Variants in TLL1 observed in about 807,000 individuals in gnomAD.
TLL1 encodes tolloid-like protein 1.
Under a neutral mutation model 128.2 loss-of-function variants are expected in TLL1, and 49 were observed. That is an observed-to-expected ratio of 0.38 (90% CI 0.30 to 0.48). The LOEUF (loss-of-function observed/expected upper bound fraction) is 0.48, where lower values mean the gene tolerates loss of function less well. TLL1 is among the 20% of genes least tolerant of loss of function. The probability of loss-of-function intolerance (pLI) is 0.96; values close to 1 mark genes in which losing one functional copy is unlikely to be tolerated. For synonymous variants in TLL1, 454 were observed against 418.8 expected (o/e 1.08, Z -1.03); for missense variants, 1,123 against 1,242.0 (o/e 0.90, Z 1.44).
chr4:166,098,137 C>T (rs971023437), intron 19 of TLL1, among the ~76,000 whole-genome samples: 1 of 151,924 alleles, frequency 6.6e-6, no homozygotes, highest in Admixed American at 6.6e-5. Flanking sequence ...AGTTCAAGAC[C>T]AGCCTGGCCA....
chr4:165,974,150 T>A (rs1735764237), intron 1 of TLL1, among the ~76,000 whole-genome samples: 1 of 113,220 alleles, frequency 8.8e-6, no homozygotes, highest in African/African-American at 5.5e-5. Context: ...TTTTTTTTTT[T>A]TTTTTTTTGA....
chr4:165,937,437 T>A (rs1236031893), intron 1 of TLL1, among the ~76,000 whole-genome samples: 3 of 152,186 alleles, frequency 2.0e-5, no homozygotes, highest in Non-Finnish European at 4.4e-5. Flanking sequence ...TTACTACCAA[T>A]TCTGATTACT....
intron 19 of TLL1, among the ~76,000 whole-genome samples, chr4:166,098,334 C>CAAAAAA (rs3047106): frequency 6.3e-5 from 7 of 110,386 alleles, no homozygotes; most frequent in Non-Finnish European, 8.8e-5. Flanking sequence ...GAGTTCTTCT[C>CAAAAAA]AAAAAAAAAA....
chr4:165,931,300 A>T (rs998813463), intron 1 of TLL1, among the ~76,000 whole-genome samples: 2 of 152,216 alleles, frequency 1.3e-5, no homozygotes, highest in Non-Finnish European at 2.9e-5. Context: ...GATAGTTTTC[A>T]GTTCTGAGCT....
At chr4:166,033,573 A>G (rs1738868137) in intron 9 of TLL1, among the ~76,000 whole-genome samples, 1 of 152,206 alleles carries the variant, frequency 6.6e-6, no homozygotes, top group Non-Finnish European at 1.5e-5. Context: ...TTGTAGGACA[A>G]TGATGTGAAT....
In TLL1 at chr4:166,087,501, C is replaced by G. The variant is rs1046382582; in HGVS notation, c.2443-3627C>G. Among the ~76,000 whole-genome samples the G allele has an allele frequency of 2.0e-5, 3 of 152,228 alleles. No individual in the cohort carries two copies. The East Asian group carries it at 5.8e-4, about 29-fold the overall frequency. On this transcript the variant is annotated intron_variant, in intron 18 of 20. Transcript: ENST00000061240. ...ACCAAATGCCAGCTTTTACCAAAAACAGGATAAGGTGAAAGATGGCTGGGA... is the reference window on the plus strand; with the variant it reads ...ACCAAATGCCAGCTTTTACCAAAAAGAGGATAAGGTGAAAGATGGCTGGGA...
At chr4:166,039,315 G>T in intron 9 of TLL1, 24 bp from the exon 10 acceptor site, 1 of 1,517,192 alleles carries the variant, frequency 6.6e-7, no homozygotes, top group African/African-American at 1.4e-5. Flanking sequence ...TTTACTCTGT[G>T]GGTTGCTTAC....
At chr4:166,096,290 C>T (rs1742016385) in intron 19 of TLL1, among the ~76,000 whole-genome samples, 1 of 150,018 alleles carries the variant, frequency 6.7e-6, no homozygotes, top group African/African-American at 2.5e-5. Flanking sequence ...AGCGGTGATC[C>T]ATAGGAATGA....
chr4:165,880,872 C>G (rs556044164), intron 1 of TLL1, among the ~76,000 whole-genome samples: 182 of 152,270 alleles, frequency 1.2e-3, no homozygotes, highest in Non-Finnish European at 2.3e-3. Context: ...TCTGGTAGCT[C>G]CTGGCCGGGT....
chr4:166,095,851 C>T (rs1340742449), intron 19 of TLL1, among the ~76,000 whole-genome samples: 1 of 152,064 alleles, frequency 6.6e-6, no homozygotes, highest in African/African-American at 2.4e-5. Flanking sequence ...TGTAAAAATG[C>T]TATTGCCAAC....
chr4:166,003,649 T>C (rs1737268302), intron 6 of TLL1, 80 bp downstream of exon 6: 1 of 1,462,620 alleles, frequency 6.8e-7, no homozygotes, highest in Non-Finnish European at 9.5e-7. Context: ...TATTTCACTT[T>C]CCCAAAAATG....
intron 16 of TLL1, among the ~76,000 whole-genome samples, chr4:166,067,421 A>C (rs1015136074): frequency 2.0e-5 from 3 of 151,772 alleles, no homozygotes; most frequent in African/African-American, 7.2e-5. Context: ...GAAATATAAG[A>C]TATGCTTCCT....
intron 18 of TLL1, among the ~76,000 whole-genome samples, chr4:166,080,048 AC>A (rs1242081510): frequency 6.6e-6 from 1 of 152,168 alleles, no homozygotes; most frequent in African/African-American, 2.4e-5. Context: ...ACAGATTATC[AC>A]AGACTTATGG....
At chr4:166,022,267 C>T (rs981057007) in intron 8 of TLL1, among the ~76,000 whole-genome samples, 7 of 151,596 alleles carry the variant, frequency 4.6e-5, no homozygotes, top group Admixed American at 2.6e-4. Flanking sequence ...CGGGTTCAAG[C>T]GATTCCTGCC....
chr4:166,033,507 A>G (rs1266399000), intron 9 of TLL1, among the ~76,000 whole-genome samples: 1 of 152,174 alleles, frequency 6.6e-6, no homozygotes, highest in Non-Finnish European at 1.5e-5. Flanking sequence ...ATTACCAGCA[A>G]TAAGCATATG....
At chr4:165,909,246 A>G (rs1343115399) in intron 1 of TLL1, among the ~76,000 whole-genome samples, 1 of 152,206 alleles carries the variant, frequency 6.6e-6, no homozygotes, top group African/African-American at 2.4e-5. Flanking sequence ...AACTGGAAGT[A>G]TAAAATTATG....
chr4:165,998,784 A>G (rs1319531608), intron 5 of TLL1, among the ~76,000 whole-genome samples: 3 of 151,278 alleles, frequency 2.0e-5, no homozygotes, highest in Non-Finnish European at 4.4e-5. Context: ...GGGACAGAGC[A>G]AGACTCTGTC....
chr4:166,052,010 T>A (rs1739762473), intron 12 of TLL1, among the ~76,000 whole-genome samples: 1 of 152,164 alleles, frequency 6.6e-6, no homozygotes, highest in South Asian at 2.1e-4. Flanking sequence ...AACCAGTGAA[T>A]ACACTGTAAA....
intron 1 of TLL1, among the ~76,000 whole-genome samples, chr4:165,900,373 C>T (rs938350618): frequency 1.8e-4 from 28 of 151,994 alleles, no homozygotes; most frequent in Middle Eastern, 3.2e-3. Flanking sequence ...TGGCTGGTAC[C>T]AGTTTTTCCT....
Sources: allele counts gnomAD v4.1 joint callset (sites outside exome capture counted in the v4.1 genomes callset), GRCh38; gene constraint gnomAD v4.1.1; transcripts MANE v1.5; gene names NCBI Gene and HGNC (gene_info 2026-07-23, HGNC 2026-07-21).